Variants in FNDC1 observed in about 807,000 individuals in gnomAD.
The protein encoded by FNDC1 is fibronectin type III domain containing 1, also known as fibronectin type III domain-containing protein 1.
A neutral mutation model predicts 168.0 loss-of-function variants in FNDC1; 96 were observed. The ratio of observed to expected loss-of-function variants is 0.57; its 90% confidence interval spans 0.48 to 0.68. The LOEUF (loss-of-function observed/expected upper bound fraction) is 0.68, where lower values mean the gene tolerates loss of function less well. Ranked by LOEUF, FNDC1 falls within the 30% of genes least tolerant of loss-of-function variation. The pLI is 0.00. For synonymous variants in FNDC1, 1,099 were observed against 1,025.9 expected (o/e 1.07, Z -1.36); for missense variants, 2,587 against 2,482.1 (o/e 1.04, Z -0.90).
Position 159,233,489 on chromosome 6 carries a change from C to G in FNDC1, c.2977C>G (p.Pro993Ala). ...ACGGTCACAGCAGCATCCCAGTGTT[C>G]CCAGAAGGATGACACCCGGCCGGGC... ...AARSQQHPSV[P>A]RRMTPGRAPQ... is the part of the protein sequence containing the mutation. Residue 993 changes from proline (P) to alanine (A), a missense_variant, in exon 11 of 23, where the codon CCC becomes GCC. Pro to Ala is a conservative substitution (Grantham distance 27). Coordinates refer to ENST00000297267, the MANE Select transcript of FNDC1 (RefSeq NM_032532.3). This position sits in a 1 kb window ranked among gnomAD's most constrained non-coding sequence, Gnocchi z 4.6. 1 of 1,604,660 alleles carries G rather than the reference C, an allele frequency of 6.2e-7. No individual in the cohort carries two copies. The highest frequency in any genetic ancestry group is 1.3e-5 in the African/African-American group (1 of 74,990).
chr6:159,200,456 T>C, intron 3 of FNDC1, 57 bp from the exon 4 acceptor site: 1 of 1,303,944 alleles, frequency 7.7e-7, no homozygotes, highest in Non-Finnish European at 1.1e-6. Flanking sequence ...TGCACTGTAA[T>C]GTGGAAAACC....
At chr6:159,185,079 A>AATCT (rs1781967352) in intron 1 of FNDC1, among the ~76,000 whole-genome samples, 1 of 119,628 alleles carries the variant, frequency 8.4e-6, no homozygotes, top group Non-Finnish European at 1.7e-5. Flanking sequence ...GGGGGGGGGG[A>AATCT]ATCTTGTTTT....
intron 4 of FNDC1, among the ~76,000 whole-genome samples, chr6:159,212,978 T>A (rs1203219492): frequency 1.3e-5 from 2 of 152,232 alleles, no homozygotes; most frequent in Non-Finnish European, 2.9e-5. Context: ...TTCCCCTCTG[T>A]GAGCCACAGT....
At chr6:159,198,943 C>T (rs1009564234) in intron 2 of FNDC1, among the ~76,000 whole-genome samples, 3 of 152,252 alleles carry the variant, frequency 2.0e-5, no homozygotes, top group African/African-American at 7.2e-5. Flanking sequence ...ACAGAAGTCA[C>T]ACCAGTCTTG....
Position 159,227,113 on chromosome 6 carries a change from A to G in FNDC1, c.1180+533A>G, listed in dbSNP as rs140677092. Among the ~76,000 whole-genome samples, 526 of 152,384 alleles carry G rather than the reference A, an allele frequency of 3.5e-3. 4 individuals are homozygous for G. Among genetic ancestry groups the G allele is most frequent in the African/African-American group, 0.012 (511 of 41,592 alleles). ...AATAGCAAAAAAACCTAGATATTTT[A>G]AAGAATAAAAATAGAGTAAAACATT... On this transcript the variant is annotated intron_variant, in intron 9 of 22. Coordinates refer to ENST00000297267, the MANE Select transcript of FNDC1 (RefSeq NM_032532.3).
intron 1 of FNDC1, among the ~76,000 whole-genome samples, chr6:159,181,901 A>C (rs1413454829): frequency 3.9e-5 from 6 of 152,148 alleles, no homozygotes; most frequent in Admixed American, 2.0e-4. Flanking sequence ...GATATGGAAA[A>C]CCATCACGTT....
chr6:159,253,878 C>T (rs1271452488), intron 17 of FNDC1, among the ~76,000 whole-genome samples: 2 of 152,258 alleles, frequency 1.3e-5, no homozygotes, highest in Non-Finnish European at 2.9e-5. Context: ...CCATTGGAAG[C>T]TGGGTTTCCG....
chr6:159,204,864 C>T (rs1782456567), intron 4 of FNDC1, among the ~76,000 whole-genome samples: 2 of 152,204 alleles, frequency 1.3e-5, no homozygotes, highest in Admixed American at 6.5e-5. Flanking sequence ...CAAAATGTCA[C>T]CACTGTGCTC....
At chr6:159,258,800 T>C (rs1777423340) in intron 18 of FNDC1, among the ~76,000 whole-genome samples, 1 of 152,364 alleles carries the variant, frequency 6.6e-6, no homozygotes, top group African/African-American at 2.4e-5. Context: ...CATTTTCCCC[T>C]GTGTCACTAG....
At chr6:159,183,576 A>T (rs1283624367) in intron 1 of FNDC1, among the ~76,000 whole-genome samples, 1 of 152,162 alleles carries the variant, frequency 6.6e-6, no homozygotes, top group Admixed American at 6.5e-5. Context: ...GTAGAGAAGG[A>T]AGGAGTGCAG....
chr6:159,238,928 A>G (rs1783331146), intron 13 of FNDC1, among the ~76,000 whole-genome samples: 2 of 152,224 alleles, frequency 1.3e-5, no homozygotes, highest in South Asian at 4.1e-4. Flanking sequence ...GGGGTCCGCA[A>G]ACTACAACCT....
At chr6:159,218,962 G>A (rs1782761354) in intron 5 of FNDC1, among the ~76,000 whole-genome samples, 1 of 152,134 alleles carries the variant, frequency 6.6e-6, no homozygotes, top group African/African-American at 2.4e-5. Flanking sequence ...CGGAAAGTGG[G>A]CAAATGTGGT....
Position 159,233,650 on chromosome 6 carries a change from G to T in FNDC1, c.3138G>T (p.Gln1046His). 1 of 1,553,388 alleles carries T rather than the reference G, an allele frequency of 6.4e-7. No homozygotes were observed. Residue 1046 changes from glutamine (Q) to histidine (H), a missense_variant, in exon 11 of 23, where the codon CAG becomes CAT. Coordinates refer to ENST00000297267, the MANE Select transcript of FNDC1 (RefSeq NM_032532.3). This position sits in a 1 kb window ranked among gnomAD's most constrained non-coding sequence, Gnocchi z 4.6. The part of the protein sequence containing the change: ...TQAGRPRPTS[Q>H]GRSHSSSDPY... ...CCGGGCGGCCCCGCCCCACGTCGCA[G>T]GGCCGCTCCCACTCCTCCTCGGACC...
chr6:159,221,274 T>A (rs1201787272), intron 5 of FNDC1, among the ~76,000 whole-genome samples: 2 of 152,248 alleles, frequency 1.3e-5, no homozygotes, highest in African/African-American at 4.8e-5. Flanking sequence ...ATTCTTTTCT[T>A]TTTTAAAGCA....
intron 5 of FNDC1, among the ~76,000 whole-genome samples, chr6:159,218,105 T>C (rs1322337907): frequency 2.0e-5 from 3 of 152,216 alleles, no homozygotes; most frequent in African/African-American, 7.2e-5. Flanking sequence ...GCTTGCTTTG[T>C]TCTGAGCCTT....
At position 159,234,403 on chromosome 6, in the gene FNDC1, C is replaced by T. The variant is rs1392491913; in HGVS notation, c.3891C>T (p.Ser1297=). ...PGHFSTTPML[S]LRQRMMHARF... ...ACTTCTCCACCACCCCGATGCTGTC[C>T]TTGCGCCAGAGGATGATGCATGCCA... The change falls in exon 11 of 23, where the codon TCC becomes TCT. Residue 1297 remains serine, a synonymous_variant. Coordinates refer to ENST00000297267, the MANE Select transcript of FNDC1 (RefSeq NM_032532.3). 7.4e-6 allele frequency: 12 copies of T among 1,613,580 alleles called. No individual in the cohort carries two copies. Among genetic ancestry groups the T allele is most frequent in the Non-Finnish European group, 1.0e-5 (12 of 1,179,804 alleles).
At chr6:159,257,352 T>C (rs1243925904) in intron 18 of FNDC1, among the ~76,000 whole-genome samples, 14 of 152,200 alleles carry the variant, frequency 9.2e-5, no homozygotes, top group Admixed American at 9.2e-4. Flanking sequence ...CCTTGGTTGA[T>C]AGCATTTGCC....
At position 159,267,739 on chromosome 6, in the gene FNDC1, A is replaced by G. The variant is rs1011585213; in HGVS notation, c.5447-65A>G. 2.1e-5 allele frequency: 33 copies of G among 1,589,244 alleles called. No individual in the cohort carries two copies. In the African/African-American group the frequency reaches 4.0e-4, roughly 19 times the overall value. On this transcript the variant is annotated intron_variant, in intron 21 of 22. Transcript: ENST00000297267. ...AAACAGTCTCCAAAGCTTGTGCAAAAAAACTCCTAAACCAGTTGTGACTTT... is the reference window on the plus strand; with the variant it reads ...AAACAGTCTCCAAAGCTTGTGCAAAGAAACTCCTAAACCAGTTGTGACTTT...
chr6:159,228,337 G>A (rs928242672), intron 9 of FNDC1, among the ~76,000 whole-genome samples: 2 of 152,224 alleles, frequency 1.3e-5, no homozygotes, highest in African/African-American at 2.4e-5. Flanking sequence ...AATATAAAAC[G>A]TAATAGAAGA....
Sources: gnomAD v4.1 joint callset for allele counts (sites outside exome capture counted in the v4.1 genomes callset) on GRCh38, gnomAD v4.1.1 for gene constraint, Gnocchi (gnomAD v3.1) non-coding constraint, MANE v1.5 for transcripts, NCBI Gene and HGNC (gene_info 2026-07-23, HGNC 2026-07-21) for gene names.